The following DISC1 variants were observed in gnomAD, a reference collection of about 807,000 sequenced individuals.
DISC1 encodes DISC1 scaffold protein, also known as disrupted in schizophrenia 1 protein.
In DISC1, 57 loss-of-function variants were observed where a neutral mutation model predicts 84.5. The ratio of observed to expected loss-of-function variants is 0.67; its 90% CI spans 0.55 to 0.84. DISC1 has a LOEUF of 0.84. DISC1 is among the 40% of genes least tolerant of loss of function. DISC1 has a pLI of 0.00. For synonymous variants in DISC1, 411 were observed against 415.2 expected (o/e 0.99, Z 0.12); for missense variants, 1,000 against 1,057.8 (o/e 0.95, Z 0.76).
At chr1:231,700,918 C>T (rs1478510079) in intron 2 of DISC1, among the ~76,000 whole-genome samples, 1 of 152,172 alleles carries the variant, frequency 6.6e-6, no homozygotes, top group Non-Finnish European at 1.5e-5. Flanking sequence ...AGATGTTTTT[C>T]AGGGATCAAG....
rs114096500 is a variant in DISC1 at position 231,912,859 on chromosome 1, C to T, written c.1982-45969C>T. ...TCTTCTTTTTCTTCTTCTCCTCCTC[C>T]TCCTTCTTTCCTTCCTTCCTTCCTT... is the stretch of plus-strand genomic sequence containing the variant. On this transcript the variant is annotated intron_variant, in intron 9 of 12. Transcript: ENST00000439617. Among the ~76,000 whole-genome samples the T allele has an allele frequency of 4.9e-3, 722 of 147,938 alleles. 9 individuals are homozygous for T. Among genetic ancestry groups the T allele is most frequent in the African/African-American group, 0.017 (667 of 39,964 alleles).
At chr1:231,637,263 A>G (rs1024479628) in intron 1 of DISC1, among the ~76,000 whole-genome samples, 6 of 152,246 alleles carry the variant, frequency 3.9e-5, no homozygotes, top group African/African-American at 1.4e-4. Context: ...TGCAGTAAAC[A>G]TACGTGTGCA....
intron 1 of DISC1, among the ~76,000 whole-genome samples, chr1:231,655,374 T>G (rs1289248947): frequency 6.6e-6 from 1 of 152,234 alleles, no homozygotes; most frequent in Non-Finnish European, 1.5e-5. Flanking sequence ...CTGAGTTAGT[T>G]CACTTAGAAT....
chr1:231,759,323 G>T (rs2075417370), intron 4 of DISC1, among the ~76,000 whole-genome samples: 1 of 152,016 alleles, frequency 6.6e-6, no homozygotes, highest in Non-Finnish European at 1.5e-5. Flanking sequence ...CACTGTATGA[G>T]ACCAGAAAAT....
rs998585310 is a variant in DISC1 at position 231,840,040 on chromosome 1, G to A, written c.1981+21523G>A. On this transcript the variant is annotated intron_variant, in intron 9 of 12. Coordinates refer to ENST00000439617, the MANE Select transcript of DISC1 (RefSeq NM_018662.3). ...AAACATCTAAACTATATCAAAAGTC[G>A]ATGATTAAACACAGTCTCATATAAA... is the stretch of plus-strand genomic sequence containing the variant. 6.1e-4 allele frequency among the ~76,000 whole-genome samples: 93 copies of A among 152,102 alleles called. 3 individuals carry two copies. The highest frequency in any genetic ancestry group is 1.5e-5 in the Non-Finnish European group (1 of 68,020).
intron 10 of DISC1, among the ~76,000 whole-genome samples, chr1:231,978,166 G>C (rs949632566): frequency 6.6e-6 from 1 of 152,154 alleles, no homozygotes; most frequent in East Asian, 1.9e-4. Context: ...GGCCAAGAAT[G>C]CTTCATCAAT....
At chr1:231,997,892 A>G (rs1267507152) in intron 10 of DISC1, among the ~76,000 whole-genome samples, 1 of 152,184 alleles carries the variant, frequency 6.6e-6, no homozygotes, top group South Asian at 2.1e-4. Context: ...CATTTGGAAA[A>G]TAAACAAGAC....
Position 232,012,987 on chromosome 1 carries a change from A to C in DISC1, c.2307+3938A>C, listed in dbSNP as rs372472106. Among the ~76,000 whole-genome samples, 4 of 152,306 alleles carry C rather than the reference A, an allele frequency of 2.6e-5. No individual in the cohort carries two copies. In the South Asian group the frequency reaches 8.3e-4, roughly 32 times the overall value. ...CTCCAAGCCTTTCTGAGGACTCTGG[A>C]AACTATCAGCTGCTGTTGGCCCTGG... On this transcript the variant is annotated intron_variant, in intron 11 of 12. Transcript: ENST00000439617.
intron 3 of DISC1, chr1:231,723,259 T>C: frequency 1.0e-6 from 1 of 963,154 alleles, no homozygotes; most frequent in Non-Finnish European, 1.2e-6. Context: ...AAAAAAAGTC[T>C]GCCTATGAGT....
intron 12 of DISC1, among the ~76,000 whole-genome samples, chr1:232,030,801 T>C (rs544536892): frequency 9.3e-4 from 142 of 152,246 alleles, no homozygotes; most frequent in African/African-American, 3.3e-3. Flanking sequence ...GCTCCACTCA[T>C]GTAGTTTATA....
chr1:231,728,311 T>A (rs1455886429), intron 3 of DISC1, among the ~76,000 whole-genome samples: 2 of 152,200 alleles, frequency 1.3e-5, no homozygotes, highest in African/African-American at 4.8e-5. Context: ...GAGACTGTCT[T>A]CTCATTTTAC....
intron 11 of DISC1, among the ~76,000 whole-genome samples, chr1:232,022,394 G>A (rs773564481): frequency 6.0e-5 from 9 of 150,440 alleles, no homozygotes; most frequent in South Asian, 2.1e-4. Context: ...TGCAACCTCC[G>A]CCTCCTGGGG....
chr1:231,708,432 G>T (rs2067367798), intron 3 of DISC1, among the ~76,000 whole-genome samples: 1 of 152,146 alleles, frequency 6.6e-6, no homozygotes, highest in Non-Finnish European at 1.5e-5. Flanking sequence ...AACAATGTTG[G>T]GATTTCCTCA....
intron 3 of DISC1, among the ~76,000 whole-genome samples, chr1:231,724,936 A>T (rs6691979): frequency 0.26 from 40,152 of 151,990 alleles, 5,702 homozygotes; most frequent in Non-Finnish European, 0.31. Context: ...TCTCTACAGG[A>T]TTTGGTCTAC....
intron 7 of DISC1, among the ~76,000 whole-genome samples, chr1:231,797,617 G>A (rs567365071): frequency 5.5e-4 from 84 of 152,142 alleles, no homozygotes; most frequent in African/African-American, 2.0e-3. Context: ...TTCATGACCT[G>A]ATCACCTCCC....
chr1:231,839,286 G>A (rs1182980344), intron 9 of DISC1, among the ~76,000 whole-genome samples: 1 of 152,200 alleles, frequency 6.6e-6, no homozygotes, highest in Non-Finnish European at 1.5e-5. Flanking sequence ...ATCACTCTGA[G>A]TATGTTTCCT....
chr1:231,691,288 G>T (rs924587564), intron 1 of DISC1, among the ~76,000 whole-genome samples: 14 of 151,962 alleles, frequency 9.2e-5, no homozygotes, highest in Non-Finnish European at 2.1e-4. Context: ...AAAATTAGCT[G>T]GGCGTGGTGG....
At chr1:231,899,186 C>T (rs2087953925) in intron 9 of DISC1, among the ~76,000 whole-genome samples, 1 of 152,170 alleles carries the variant, frequency 6.6e-6, no homozygotes, top group African/African-American at 2.4e-5. Context: ...ATTCCACCTT[C>T]CGTTCCCTAT....
intron 10 of DISC1, among the ~76,000 whole-genome samples, chr1:231,963,629 T>C (rs1347886086): frequency 2.0e-5 from 3 of 152,030 alleles, no homozygotes; most frequent in Non-Finnish European, 2.9e-5. Flanking sequence ...GTGCTTGCAA[T>C]GATTTATTCT....
Sources: gnomAD v4.1 joint callset for allele counts (sites outside exome capture counted in the v4.1 genomes callset) on GRCh38, gnomAD v4.1.1 for gene constraint, MANE v1.5 for transcripts, NCBI Gene and HGNC (gene_info 2026-07-23, HGNC 2026-07-21) for gene names.